The following CTDP1 variants were observed in gnomAD, a reference collection of about 807,000 sequenced individuals.
CTDP1 encodes the protein CTD phosphatase 1.
In CTDP1, 47 loss-of-function variants were observed where a neutral mutation model predicts 91.8. The observed-to-expected ratio is 0.51, with a 90% CI of 0.41 to 0.65. The LOEUF is 0.65. Ranked by LOEUF, CTDP1 falls within the 30% of genes least tolerant of loss-of-function variation. The pLI is 0.00. For synonymous variants in CTDP1, 656 were observed against 598.5 expected (o/e 1.10, Z -1.40); for missense variants, 1,272 against 1,373.7 (o/e 0.93, Z 1.17).
rs2085364522 is a variant in CTDP1, at chr18:79,681,376, C to G, written c.314+1115C>G. ...GCCTTCACGGCTTCCTCAGTGGGCA[C>G]TGGCCGTACCTGGGAGGATTGTGGA... On this transcript the variant is annotated intron_variant, in intron 1 of 12. Transcript: ENST00000613122. The G allele has an allele frequency of 1.1e-5, 9 of 853,384 alleles. No individual in the cohort carries two copies. The South Asian group carries it at 3.7e-4, about 36-fold the overall frequency. The allele number at this position is 853,384 out of a possible 1,614,324, so 52.9% of individuals were successfully genotyped here.
chr18:79,723,839 C>T (rs561486504), intron 10 of CTDP1, among the ~76,000 whole-genome samples: 1 of 152,308 alleles, frequency 6.6e-6, no homozygotes, highest in African/African-American at 2.4e-5. Flanking sequence ...GCGCCCTCTC[C>T]GGAGTGCTGT....
chr18:79,738,240 G>A (rs1365482401), intron 12 of CTDP1, among the ~76,000 whole-genome samples: 1 of 152,232 alleles, frequency 6.6e-6, no homozygotes, highest in African/African-American at 2.4e-5. Flanking sequence ...CTCCGGGGCT[G>A]CTCCGAGGCC....
In CTDP1 at chr18:79,736,397, G is replaced by C. The variant is rs961827482; in HGVS notation, c.2623G>C (p.Glu875Gln). Residue 875 changes from glutamate (E) to glutamine (Q), a missense_variant, in exon 12 of 13, where the codon GAG becomes CAG. Transcript: ENST00000613122. ...LGEGSDDSDSEKRRPEEQEEE... is the reference protein window; with the variant it reads ...LGEGSDDSDSQKRRPEEQEEE... ...AGAAGGCAGCGACGACAGCGACAGC[G>C]AGAAGAGGAGGCCTGAGGAGCAGGA... The C allele has an allele frequency of 1.3e-6, 2 of 1,549,366 alleles. No homozygotes were observed. The highest frequency in any genetic ancestry group is 2.7e-5 in the African/African-American group (2 of 73,006).
At chr18:79,700,134 A>C (rs1011930432) in intron 4 of CTDP1, among the ~76,000 whole-genome samples, 1 of 152,152 alleles carries the variant, frequency 6.6e-6, no homozygotes, top group Non-Finnish European at 1.5e-5. Context: ...AGGCCTCCCT[A>C]TTCCCTGAGA....
At chr18:79,704,669 C>T (rs1568186348) in intron 4 of CTDP1, 98 bp from the exon 5 acceptor site, 1 of 1,498,896 alleles carries the variant, frequency 6.7e-7, no homozygotes, top group Non-Finnish European at 9.2e-7. Context: ...CTGGGGCACA[C>T]GTGTGTTCTC....
intron 5 of CTDP1, among the ~76,000 whole-genome samples, chr18:79,709,076 C>G (rs373333690): frequency 2.6e-5 from 4 of 152,294 alleles, no homozygotes; most frequent in Non-Finnish European, 4.4e-5. Flanking sequence ...CATAATTAAC[C>G]GTAGCTTTTT....
Position 79,715,394 on chromosome 18 carries a change from A to G in CTDP1, c.1934A>G (p.His645Arg). The change falls in exon 8 of 13, where the codon CAC (histidine) becomes CGC (arginine). Residue 645 changes from histidine to arginine, a missense_variant. Physicochemically the swap from His to Arg is conservative, Grantham distance 29. Transcript: ENST00000613122. ...GTGGCCATAATTTTCAGTGGGCTAC[A>G]CCCGACAAACTTCCCGATAGAGAAG... ...ADVAIIFSGL[H>R]PTNFPIEKTR... is the part of the protein sequence containing the mutation. 1.2e-6 allele frequency: 2 copies of G among 1,605,000 alleles called. No individual in the cohort carries two copies. The highest frequency in any genetic ancestry group is 1.7e-6 in the Non-Finnish European group (2 of 1,175,704).
chr18:79,728,773 CACGTTTTTCAT>C, intron 10 of CTDP1, 123 bp from the exon 11 acceptor site: 1 of 648,252 alleles, frequency 1.5e-6, no homozygotes, highest in Non-Finnish European at 2.3e-6. Flanking sequence ...GGCGAAACAT[CACGTTTTTCAT>C]ACGTGTTCCC....
rs1195548295 is a variant in CTDP1 at position 79,730,907 on chromosome 18, G to A, written c.2580+1838G>A. On this transcript the variant is annotated intron_variant, in intron 11 of 12. Transcript: ENST00000613122. ...GTTGTGAATTTGGATCTTTTGAGCC[G>A]TGGCGCCTGGTTATTACAGCAGCCT... Among the ~76,000 whole-genome samples, 15 of 152,360 alleles carry A rather than the reference G, an allele frequency of 9.8e-5. No individual in the cohort carries two copies. The East Asian group carries it at 1.5e-3, about 16-fold the overall frequency.
At position 79,736,501 on chromosome 18, in the gene CTDP1, G is replaced by A. The variant is rs142544366; in HGVS notation, c.2727G>A (p.Ala909=). 8.7e-5 allele frequency: 135 copies of A among 1,545,800 alleles called. No individual in the cohort carries two copies. The African/African-American group carries it at 1.1e-3, about 12-fold the overall frequency. ...CACCTGCGTCCAGCGAGAGGAGCGC[G>A]GCAGGGGGCCGGGGGCCCAGGTGAG... ...LGAPASSERS[A]AGGRGPRGHK... The change falls in exon 12 of 13, where the codon GCG becomes GCA. Residue 909 remains alanine (A), a synonymous_variant. Coordinates refer to ENST00000613122, the MANE Select transcript of CTDP1 (RefSeq NM_004715.5).
chr18:79,696,435 G>A (rs2085748553), intron 3 of CTDP1, among the ~76,000 whole-genome samples: 1 of 152,142 alleles, frequency 6.6e-6, no homozygotes, highest in Non-Finnish European at 1.5e-5. Flanking sequence ...TCAGGAGGTG[G>A]CCGCGCTGCC....
At position 79,736,626 on chromosome 18, in the gene CTDP1, A is replaced by G. The variant is rs113200438; in HGVS notation, c.2747+105A>G. 40 of 1,191,964 alleles carry G rather than the reference A, an allele frequency of 3.4e-5. 1 individual carries two copies. Among genetic ancestry groups the G allele is most frequent in the African/African-American group, 3.1e-4 (20 of 65,230 alleles). The allele number at this position is 1,191,964 out of a possible 1,614,324, so 73.8% of individuals were successfully genotyped here. ...CATCTCATTCTTCACGCCCTCCACC[A>G]TTCTGTGTGTGACACCAGCAGCTTC... On this transcript the variant is annotated intron_variant, in intron 12 of 12. Transcript: ENST00000613122.
intron 12 of CTDP1, among the ~76,000 whole-genome samples, chr18:79,739,793 C>G (rs1443277728): frequency 2.6e-5 from 4 of 151,214 alleles, no homozygotes; most frequent in Non-Finnish European, 5.9e-5. Context: ...GTGGGACTCT[C>G]ATACCCACGG....
intron 12 of CTDP1, among the ~76,000 whole-genome samples, chr18:79,743,408 C>T (rs2086817861): frequency 1.3e-5 from 2 of 151,640 alleles, no homozygotes; most frequent in African/African-American, 4.9e-5. Context: ...CGCCTGTAGT[C>T]CCAGCTACTC....
intron 12 of CTDP1, among the ~76,000 whole-genome samples, chr18:79,738,444 T>C (rs1391497118): frequency 6.6e-6 from 1 of 152,188 alleles, no homozygotes; most frequent in Non-Finnish European, 1.5e-5. Flanking sequence ...TTTCCTCACC[T>C]GTGAAATGAG....
rs1195138241 is a variant in CTDP1, at chr18:79,736,465, G to T, written c.2691G>T (p.Arg897=). ...GGAAGCCAGGGACCCGCAGGGAGCG[G>T]ACGCTCGGGGCACCTGCGTCCAGCG... ...QPRKPGTRRE[R]TLGAPASSER... The change falls in exon 12 of 13, where the codon CGG becomes CGT. Residue 897 remains arginine, a synonymous_variant. Coordinates refer to ENST00000613122, the MANE Select transcript of CTDP1 (RefSeq NM_004715.5). The T allele has an allele frequency of 6.5e-7, 1 of 1,548,848 alleles. No individual in the cohort carries two copies. The highest frequency in any genetic ancestry group is 2.0e-5 in the Admixed American group (1 of 51,002).
chr18:79,680,423 A>G (rs908696477), intron 1 of CTDP1, among the ~76,000 whole-genome samples, 162 bp downstream of exon 1: 1 of 152,184 alleles, frequency 6.6e-6, no homozygotes. Flanking sequence ...CTGGATAGTC[A>G]CCACCTGTGG....
Position 79,714,723 on chromosome 18 carries a change from C to T in CTDP1, c.1263C>T (p.Gly421=), listed in dbSNP as rs779721034. The change falls in exon 8 of 13, where the codon GGC becomes GGT. Residue 421 remains glycine (G), a synonymous_variant. Coordinates refer to ENST00000613122, the MANE Select transcript of CTDP1 (RefSeq NM_004715.5). The part of the protein sequence containing the change: ...QAPTSSQELA[G]APEPQGSCAQ... ...CCACCAGCAGCCAAGAGCTGGCAGGCGCTCCTGAGCCCCAGGGATCCTGTG... is the reference window on the plus strand; with the variant it reads ...CCACCAGCAGCCAAGAGCTGGCAGGTGCTCCTGAGCCCCAGGGATCCTGTG... 44 of 1,603,388 alleles carry T rather than the reference C, an allele frequency of 2.7e-5. No homozygotes were observed. The highest frequency in any genetic ancestry group is 1.6e-4 in the East Asian group (7 of 44,494).
intron 10 of CTDP1, among the ~76,000 whole-genome samples, chr18:79,723,150 C>T (rs2086379660): frequency 6.6e-6 from 1 of 152,182 alleles, no homozygotes; most frequent in Non-Finnish European, 1.5e-5. Flanking sequence ...GCACTGGTGC[C>T]CTGCAGCCCA....
Sources: allele counts gnomAD v4.1 joint callset (sites outside exome capture counted in the v4.1 genomes callset), GRCh38; gene constraint gnomAD v4.1.1; transcripts MANE v1.5; gene names NCBI Gene and HGNC (gene_info 2026-07-23, HGNC 2026-07-21).